APC: variants seen among roughly 807,000 people sequenced by gnomAD.
APC encodes APC regulator of Wnt signaling pathway, also known as adenomatous polyposis coli protein.
Under a neutral mutation model 247.0 loss-of-function variants are expected in APC, and 72 were observed. That is an observed-to-expected ratio of 0.29 (90% CI 0.24 to 0.35). APC has a LOEUF of 0.35. Ranked by LOEUF, APC falls within the 10% of genes least tolerant of loss-of-function variation. APC has a pLI of 1.00. For synonymous variants in APC, 1,254 were observed against 1,162.5 expected (o/e 1.08, Z -1.60); for missense variants, 3,400 against 3,360.7 (o/e 1.01, Z -0.29).
intron 7 of APC, among the ~76,000 whole-genome samples, chr5:112,794,011 CTTTTT>C (rs1215782849): frequency 6.8e-6 from 1 of 147,776 alleles, no homozygotes; most frequent in Non-Finnish European, 1.5e-5. Flanking sequence ...TAAAACTTTT[CTTTTT>C]TTAAGAGACG....
intron 14 of APC, among the ~76,000 whole-genome samples, chr5:112,832,297 T>A (rs1364994668): frequency 6.6e-6 from 1 of 152,190 alleles, no homozygotes; most frequent in Non-Finnish European, 1.5e-5. Context: ...CTTGCTTTTT[T>A]TGTTCTCAGG....
chr5:112,735,199 A>C (rs545957394), upstream of APC, among the ~76,000 whole-genome samples: 57 of 152,026 alleles, frequency 3.7e-4, no homozygotes, highest in Middle Eastern at 3.4e-3. Flanking sequence ...ATATCTTTTG[A>C]GACATGGTCT....
intron 1 of APC, among the ~76,000 whole-genome samples, chr5:112,728,643 T>C (rs973981651): frequency 2.0e-5 from 3 of 152,086 alleles, no homozygotes; most frequent in Non-Finnish European, 4.4e-5. Context: ...TGATTGTGTT[T>C]TTTTTTTGTT....
chr5:112,734,603 G>A (rs902760199), upstream of APC, among the ~76,000 whole-genome samples: 4 of 152,098 alleles, frequency 2.6e-5, no homozygotes, highest in African/African-American at 7.2e-5. Context: ...AAAGAGAGAC[G>A]ATTAAGTTTA....
rs1452815000 is a variant in APC at position 112,707,604 on chromosome 5, C to G, written c.-114C>G. 5 of 1,170,074 alleles carry G rather than the reference C, an allele frequency of 4.3e-6. No individual in the cohort carries two copies. The highest frequency in any genetic ancestry group is 2.4e-5 in the Admixed American group (1 of 41,760). 72.5% of individuals were successfully genotyped at this position (1,170,074 alleles called of 1,614,324 possible). On this transcript the variant is annotated 5_prime_UTR_variant, in exon 1 of 14. Transcript: ENST00000507379. ...GCTGCTCGGGGGGGACCTGCGGGCT[C>G]AGGCCCGGGAGCTGCGGACCGAGGT...
At chr5:112,732,414 T>C (rs1297448064) in intron 1 of APC, among the ~76,000 whole-genome samples, 1 of 152,182 alleles carries the variant, frequency 6.6e-6, no homozygotes, top group African/African-American at 2.4e-5. Context: ...CTCAGAAACT[T>C]AGTCCCGTGG....
chr5:112,787,578 A>G (rs1254074773), intron 6 of APC, among the ~76,000 whole-genome samples: 2 of 152,144 alleles, frequency 1.3e-5, no homozygotes, highest in African/African-American at 4.8e-5. Context: ...AATATTTATT[A>G]GATTTTGGGG....
At chr5:112,820,094 T>C (rs1561543516) in intron 10 of APC, among the ~76,000 whole-genome samples, 1 of 152,014 alleles carries the variant, frequency 6.6e-6, no homozygotes, top group Non-Finnish European at 1.5e-5. Context: ...TTAGGACCTA[T>C]GGGGATATAA....
chr5:112,773,797 G>T (rs931254178), intron 4 of APC, among the ~76,000 whole-genome samples: 3 of 151,854 alleles, frequency 2.0e-5, no homozygotes, highest in African/African-American at 7.3e-5. Flanking sequence ...ATATAGAAAA[G>T]GTCCTACAAA....
rs1302886700 is a variant in APC at position 112,842,048 on chromosome 5, C to A, written c.6454C>A (p.Pro2152Thr). The A allele has an allele frequency of 4.3e-6, 7 of 1,613,186 alleles. No homozygotes were observed. Among genetic ancestry groups the A allele is most frequent in the Non-Finnish European group, 5.9e-6 (7 of 1,179,224 alleles). The change falls in exon 16 of 16, where the codon CCT (proline) becomes ACT (threonine). Residue 2152 changes from proline to threonine, a missense_variant. By Grantham distance (38) the Pro-to-Thr change is conservative. Transcript: ENST00000257430. ...ISLGSPFHLT[P>T]DQEEKPFTSN... Reference sequence around the variant, plus strand: ...TCTGGGATCACCATTTCATCTTACACCTGATCAAGAAGAAAAACCCTTTAC... The same window carrying A: ...TCTGGGATCACCATTTCATCTTACAACTGATCAAGAAGAAAAACCCTTTAC...
At position 112,819,176 on chromosome 5, in the gene APC, A is replaced by G; in HGVS notation, c.1144A>G (p.Arg382Gly). 1 of 1,614,020 alleles carries G rather than the reference A, an allele frequency of 6.2e-7. No individual in the cohort carries two copies. Among genetic ancestry groups the G allele is most frequent in the Non-Finnish European group, 8.5e-7 (1 of 1,179,980 alleles). ...NSRGSKEARA[R>G]ASAALHNIIH... ...CCGGGGCAGTAAAGAGGCTCGGGCC[A>G]GGGCCAGTGCAGCACTCCACAACAT... Residue 382 changes from arginine (R) to glycine (G), a missense_variant, in exon 10 of 16, where the codon AGG becomes GGG. By Grantham distance (125) the Arg-to-Gly change is moderately radical. Around this residue, in one of 9 missense-constraint regions of APC, gnomAD observed 199 missense variants for 212.5 expected, o/e 0.94. Coordinates refer to ENST00000257430, the MANE Select transcript of APC (RefSeq NM_000038.6).
upstream of APC, among the ~76,000 whole-genome samples, chr5:112,737,519 C>G (rs1159107092): frequency 1.3e-5 from 2 of 152,226 alleles, no homozygotes; most frequent in Admixed American, 1.3e-4. Flanking sequence ...TCATAGCAAT[C>G]GAGATGTAAT....
At chr5:112,733,828 C>G, upstream of APC, among the ~76,000 whole-genome samples, 1 of 152,112 alleles carries the variant, frequency 6.6e-6, no homozygotes, top group East Asian at 1.9e-4. Flanking sequence ...TCCAAACTGT[C>G]TCTGTTCCAC....
At chr5:112,743,523 G>A (rs947471525) in intron 1 of APC, among the ~76,000 whole-genome samples, 4 of 152,070 alleles carry the variant, frequency 2.6e-5, no homozygotes, top group African/African-American at 7.2e-5. Context: ...TTTATTTAAA[G>A]CATAGTATAA....
chr5:112,836,175 C>T lies in APC; in HGVS notation c.1958+1010C>T, dbSNP rs1048502528. Among the ~76,000 whole-genome samples the T allele has an allele frequency of 3.2e-4, 25 of 78,604 alleles. 3 individuals carry two copies. Among genetic ancestry groups the T allele is most frequent in the Non-Finnish European group, 6.7e-4 (22 of 32,860 alleles). The allele number at this position is 78,604 out of a possible 152,430, so 51.6% of individuals were successfully genotyped here. ...AGCTGGGATTACAGGTCCCCCCCCC[C>T]CCCCGCCACCGTGCCCGGCTAATTT... is the stretch of plus-strand genomic sequence containing the variant. On this transcript the variant is annotated intron_variant, in intron 15 of 15. Transcript: ENST00000257430.
At position 112,767,266 on chromosome 5, in the gene APC, G is replaced by T. The variant is rs1561464319; in HGVS notation, c.298G>T (p.Glu100Ter). The T allele has an allele frequency of 6.2e-7, 1 of 1,614,162 alleles. No homozygotes were observed. Among genetic ancestry groups the T allele is most frequent in the Non-Finnish European group, 8.5e-7 (1 of 1,180,020 alleles). The change falls in exon 4 of 16, where the codon GAA becomes TAA. Residue 100 changes from glutamate to a stop codon, truncating the protein, a stop_gained. Transcript: ENST00000257430. LOFTEE classifies it high-confidence loss of function. ...GTCCCTCCGTTCTTATGGAAGCCGG[G>T]AAGGATCTGTATCAAGCCGTTCTGG... Reference protein sequence around the residue: ...KMSLRSYGSREGSVSSRSGEC... With the variant: ...KMSLRSYGSR
intron 1 of APC, chr5:112,708,032 C>T: frequency 1.2e-6 from 1 of 837,718 alleles, no homozygotes; most frequent in Non-Finnish European, 1.6e-6. Flanking sequence ...ACTCCCCATT[C>T]AGGCCTCCAG....
intron 7 of APC, among the ~76,000 whole-genome samples, chr5:112,798,884 T>C (rs912074203): frequency 6.6e-6 from 1 of 152,198 alleles, no homozygotes; most frequent in Admixed American, 6.5e-5. Flanking sequence ...AAGTTACTTA[T>C]ATTCTCTGTG....
In APC at chr5:112,845,015, GT is replaced by G. The variant is rs1251187613; in HGVS notation, c.*892del. 2.2e-5 allele frequency: 5 copies of G among 232,060 alleles called. No homozygotes were observed. The highest frequency in any genetic ancestry group is 5.6e-5 in the Admixed American group (1 of 17,746). The allele number at this position is 232,060 out of a possible 1,614,324, so 14.4% of individuals were successfully genotyped here. A position where few individuals can be genotyped will look rare whatever the true frequency, so the allele number is the denominator to read the frequency against. ...AATTGGTATTTGTTTGAAGGGTCTT[GT>G]TTCACATTTGTATTAATAATTGTTT... On this transcript the variant is annotated 3_prime_UTR_variant, in exon 16 of 16. Transcript: ENST00000257430.
Sources: gnomAD v4.1 joint callset for allele counts (sites outside exome capture counted in the v4.1 genomes callset) on GRCh38, gnomAD v4.1.1 for gene constraint, gnomAD v4.1.1 regional missense constraint, MANE v1.5 for transcripts, NCBI Gene and HGNC (gene_info 2026-07-23, HGNC 2026-07-21) for gene names.